NREP: variants seen among roughly 807,000 people sequenced by gnomAD.
NREP encodes the protein neuronal regeneration related protein, also known as neuronal regeneration-related protein.
NREP carries 5 observed loss-of-function variants against 8.6 expected under a neutral mutation model. The observed-to-expected ratio is 0.58, with a 90% CI of 0.30 to 1.22. NREP has a LOEUF of 1.22. NREP is among the 50% of genes most tolerant of loss of function. NREP has a pLI of 0.07. For synonymous variants in NREP, 27 were observed against 28.0 expected, an observed-to-expected ratio of 0.96 and a Z score of 0.11; for missense variants, 86 against 82.5, an observed-to-expected ratio of 1.04 and a Z score of -0.17.
chr5:111,758,435 T>C (rs75941912), upstream of NREP, among the ~76,000 whole-genome samples: 1 of 152,252 alleles, frequency 6.6e-6, no homozygotes, highest in Non-Finnish European at 1.5e-5. Flanking sequence ...GTCGTTCTTA[T>C]TTAAAATCTA....
chr5:111,768,845 T>G (rs972315356), intron 2 of NREP, among the ~76,000 whole-genome samples: 10 of 152,248 alleles, frequency 6.6e-5, no homozygotes, highest in African/African-American at 2.4e-4. Flanking sequence ...ACCTGTCTGG[T>G]AGAACCATTT....
intron 2 of NREP, among the ~76,000 whole-genome samples, chr5:111,918,341 A>C: frequency 6.6e-6 from 1 of 152,224 alleles, no homozygotes; most frequent in East Asian, 1.9e-4. Flanking sequence ...TTCCTCACAG[A>C]ATTAGAAAAA....
At chr5:111,963,040 G>T (rs749535007) in intron 2 of NREP, among the ~76,000 whole-genome samples, 1 of 152,244 alleles carries the variant, frequency 6.6e-6, no homozygotes, top group Non-Finnish European at 1.5e-5. Flanking sequence ...CTGGCCATTT[G>T]CCCTTGCTGG....
At chr5:111,761,654 C>T (rs1750962665), upstream of NREP, among the ~76,000 whole-genome samples, 1 of 152,190 alleles carries the variant, frequency 6.6e-6, no homozygotes. Flanking sequence ...GCATATGTAA[C>T]ATCCATTATC....
intron 2 of NREP, among the ~76,000 whole-genome samples, chr5:111,809,698 C>T (rs915498094): frequency 6.6e-6 from 1 of 152,108 alleles, no homozygotes; most frequent in Middle Eastern, 3.2e-3. Context: ...AAGGCCACGC[C>T]CTTGAACTTC....
At chr5:111,887,161 C>A (rs1396606777) in intron 2 of NREP, among the ~76,000 whole-genome samples, 1 of 152,026 alleles carries the variant, frequency 6.6e-6, no homozygotes, top group East Asian at 1.9e-4. Context: ...TGGGTTCCAG[C>A]AATCTTCCTT....
chr5:111,859,550 T>C (rs1345012831), intron 2 of NREP, among the ~76,000 whole-genome samples: 2 of 152,058 alleles, frequency 1.3e-5, no homozygotes, highest in African/African-American at 4.8e-5. Flanking sequence ...CCATGAGGGA[T>C]GAAGGTTGAG....
chr5:111,762,643 C>T (rs916470195), upstream of NREP, among the ~76,000 whole-genome samples: 7 of 152,202 alleles, frequency 4.6e-5, no homozygotes, highest in African/African-American at 1.2e-4. Context: ...ATAGGGAAGA[C>T]CACACGAAGA....
At chr5:111,852,072 T>C (rs1235275701) in intron 2 of NREP, among the ~76,000 whole-genome samples, 3 of 152,018 alleles carry the variant, frequency 2.0e-5, no homozygotes, top group South Asian at 4.2e-4. Context: ...CCCTCATGAG[T>C]GGAGTAGTGC....
At chr5:111,756,309 A>AG in intron 1 of NREP, 3 of 680,666 alleles carry the variant, frequency 4.4e-6, no homozygotes, top group Non-Finnish European at 5.3e-6. Context: ...AAAAAAAAAA[A>AG]AAACCCTACA....
At chr5:111,839,061 C>T (rs898716162) in intron 2 of NREP, among the ~76,000 whole-genome samples, 30 of 152,014 alleles carry the variant, frequency 2.0e-4, no homozygotes, top group African/African-American at 7.2e-4. Context: ...AGATTATACT[C>T]TATTGATCAA....
chr5:111,756,510 G>C (rs1029158308), intron 1 of NREP, among the ~76,000 whole-genome samples: 2 of 151,918 alleles, frequency 1.3e-5, no homozygotes, highest in Admixed American at 6.6e-5. Flanking sequence ...CTCAAAAAGG[G>C]TATCATTCGC....
intron 2 of NREP, among the ~76,000 whole-genome samples, chr5:111,906,493 T>C (rs976309758): frequency 6.6e-6 from 1 of 152,100 alleles, no homozygotes; most frequent in African/African-American, 2.4e-5. Flanking sequence ...ATTACTCTAT[T>C]TTAATGCAAA....
intron 2 of NREP, among the ~76,000 whole-genome samples, chr5:111,748,701 C>T (rs1750166308): frequency 6.6e-6 from 1 of 152,142 alleles, no homozygotes; most frequent in Non-Finnish European, 1.5e-5. Flanking sequence ...TGAAAGTTCT[C>T]TCTCAGTAAT....
At chr5:111,932,130 AAAAG>A in intron 2 of NREP, among the ~76,000 whole-genome samples, 1 of 151,706 alleles carries the variant, frequency 6.6e-6, no homozygotes, top group South Asian at 2.1e-4. Flanking sequence ...AAAAAAAAAA[AAAAG>A]AAAAGAAAAA....
chr5:111,873,272 G>A (rs919838157), intron 2 of NREP, among the ~76,000 whole-genome samples: 3 of 152,024 alleles, frequency 2.0e-5, no homozygotes, highest in Non-Finnish European at 2.9e-5. Context: ...GAAGAAGAAC[G>A]GTATCAGTTT....
intron 3 of NREP, 99 bp from the exon 4 acceptor site, chr5:111,731,145 A>G (rs1222983704): frequency 7.6e-7 from 1 of 1,315,370 alleles, no homozygotes; most frequent in African/African-American, 1.5e-5. Flanking sequence ...TTTCCTGCCC[A>G]GCCCACATTA....
chr5:111,929,793 C>G (rs2112595720), intron 2 of NREP, among the ~76,000 whole-genome samples: 1 of 152,234 alleles, frequency 6.6e-6, no homozygotes, highest in East Asian at 1.9e-4. Context: ...GAAACTGACA[C>G]TCACAGATAG....
At chr5:111,824,592 G>A (rs1752579771) in intron 2 of NREP, among the ~76,000 whole-genome samples, 1 of 152,070 alleles carries the variant, frequency 6.6e-6, no homozygotes, top group Admixed American at 6.6e-5. Context: ...ATAGAAATAT[G>A]TTGATGGAAG....
Sources: gnomAD v4.1 joint callset for allele counts (sites outside exome capture counted in the v4.1 genomes callset) on GRCh38, gnomAD v4.1.1 for gene constraint, MANE v1.5 for transcripts, NCBI Gene and HGNC (gene_info 2026-07-23, HGNC 2026-07-21) for gene names.